The following SGCZ variants were observed in gnomAD, a reference collection of about 807,000 sequenced individuals.
SGCZ encodes sarcoglycan zeta.
A neutral mutation model predicts 41.3 loss-of-function variants in SGCZ; 40 were observed. That is an observed-to-expected ratio of 0.97 (90% CI 0.75 to 1.26). The LOEUF (loss-of-function observed/expected upper bound fraction) is 1.26, where lower values mean the gene tolerates loss of function less well. SGCZ is among the 50% of genes most tolerant of loss of function. The pLI is 0.00. For synonymous variants in SGCZ, 206 were observed against 137.5 expected, an observed-to-expected ratio of 1.50 and a Z score of -3.49; for missense variants, 552 against 369.8, an observed-to-expected ratio of 1.49 and a Z score of -4.04.
At chr8:14,710,708 C>T (rs1189772733) in intron 1 of SGCZ, among the ~76,000 whole-genome samples, 1 of 151,922 alleles carries the variant, frequency 6.6e-6, no homozygotes, top group Non-Finnish European at 1.5e-5. Context: ...ATTTTTAAAA[C>T]ACTTTAAAAT....
intron 1 of SGCZ, among the ~76,000 whole-genome samples, chr8:14,982,861 G>A (rs1801714446): frequency 6.6e-6 from 1 of 152,160 alleles, no homozygotes; most frequent in Non-Finnish European, 1.5e-5. Flanking sequence ...AACTGCTACT[G>A]ATCGTTCAAA....
At chr8:15,222,120 A>G (rs1801624770) in intron 1 of SGCZ, among the ~76,000 whole-genome samples, 1 of 152,232 alleles carries the variant, frequency 6.6e-6, no homozygotes, top group Non-Finnish European at 1.5e-5. Context: ...AGAGAATCCA[A>G]AAGAGGGCTT....
chr8:14,890,054 T>C (rs1308409540), intron 1 of SGCZ, among the ~76,000 whole-genome samples: 1 of 151,880 alleles, frequency 6.6e-6, no homozygotes, highest in Non-Finnish European at 1.5e-5. Flanking sequence ...CCGTCTCTAC[T>C]AAAAATACAA....
chr8:14,348,742 T>C (rs765080266), intron 2 of SGCZ, among the ~76,000 whole-genome samples: 8 of 152,164 alleles, frequency 5.3e-5, no homozygotes, highest in Non-Finnish European at 1.0e-4. Flanking sequence ...ACATAATCTA[T>C]ATTCTCAAGA....
chr8:15,165,782 G>A (rs189124870), intron 1 of SGCZ, among the ~76,000 whole-genome samples: 21 of 152,330 alleles, frequency 1.4e-4, no homozygotes, highest in Admixed American at 9.8e-4. Flanking sequence ...AAGTTGCAAA[G>A]AAGTGGTGGA....
intron 2 of SGCZ, among the ~76,000 whole-genome samples, chr8:14,531,474 T>C (rs34627472): frequency 0.22 from 33,632 of 151,722 alleles, 4,685 homozygotes; most frequent in Non-Finnish European, 0.32. Context: ...AAGAAACCAC[T>C]GGGCACCACT....
chr8:14,492,221 T>C (rs1232170651), intron 2 of SGCZ, among the ~76,000 whole-genome samples: 1 of 152,210 alleles, frequency 6.6e-6, no homozygotes, highest in East Asian at 1.9e-4. Flanking sequence ...CACAACCTTT[T>C]AAATATTCCA....
At chr8:14,687,971 T>G (rs1181819582) in intron 1 of SGCZ, among the ~76,000 whole-genome samples, 1 of 152,214 alleles carries the variant, frequency 6.6e-6, no homozygotes, top group Non-Finnish European at 1.5e-5. Context: ...TTTCATGTGT[T>G]TTTTGGCTGC....
chr8:14,325,884 G>A (rs1323276014), intron 2 of SGCZ, among the ~76,000 whole-genome samples: 2 of 146,760 alleles, frequency 1.4e-5, no homozygotes, highest in African/African-American at 2.5e-5. Context: ...ACGTAGAGGC[G>A]GGCGGATCAC....
chr8:15,156,367 G>A (rs1246156690), intron 1 of SGCZ, among the ~76,000 whole-genome samples: 7 of 152,106 alleles, frequency 4.6e-5, no homozygotes, highest in Non-Finnish European at 1.0e-4. Flanking sequence ...TAAACCTTGA[G>A]GGATTTAATG....
chr8:15,049,720 T>C (rs1050770238), intron 1 of SGCZ, among the ~76,000 whole-genome samples: 1 of 152,126 alleles, frequency 6.6e-6, no homozygotes, highest in Non-Finnish European at 1.5e-5. Context: ...TCACCTTGTA[T>C]TGTAATAATC....
chr8:15,117,434 C>T (rs1333550274), intron 1 of SGCZ, among the ~76,000 whole-genome samples: 1 of 151,954 alleles, frequency 6.6e-6, no homozygotes, highest in Non-Finnish European at 1.5e-5. Flanking sequence ...CAAATATTAT[C>T]TCCAACAAAA....
intron 1 of SGCZ, among the ~76,000 whole-genome samples, chr8:15,133,656 T>G (rs556751553): frequency 1.3e-5 from 2 of 150,210 alleles, no homozygotes; most frequent in South Asian, 4.1e-4. Flanking sequence ...TTTACTCTCT[T>G]ATGTTTACTT....
chr8:14,650,171 TC>T (rs1384985819), intron 1 of SGCZ, among the ~76,000 whole-genome samples: 4 of 151,906 alleles, frequency 2.6e-5, no homozygotes, highest in Non-Finnish European at 5.9e-5. Flanking sequence ...TTTGCTGAAA[TC>T]CCTCAAAACT....
chr8:14,241,041 T>A (rs80243339), intron 3 of SGCZ, among the ~76,000 whole-genome samples: 2,689 of 152,256 alleles, frequency 0.018, 34 homozygotes, highest in Non-Finnish European at 0.026. Flanking sequence ...ATTTAAGAAA[T>A]GTTTTCCCTA....
Position 14,945,719 on chromosome 8 carries a change from G to A in SGCZ, c.39+291866C>T, listed in dbSNP as rs1800421756. Among the ~76,000 whole-genome samples, 4 of 151,468 alleles carry A rather than the reference G, an allele frequency of 2.6e-5. No individual in the cohort carries two copies. In the South Asian group the frequency reaches 8.4e-4, roughly 32 times the overall value. ...CTGGGGCCCAGATAGGACACAAAGGGGAATTCTCTTTCTCCCTCTCCTGAA... is the reference window on the plus strand; with the variant it reads ...CTGGGGCCCAGATAGGACACAAAGGAGAATTCTCTTTCTCCCTCTCCTGAA... On this transcript the variant is annotated intron_variant, in intron 1 of 7. Transcript: ENST00000382080.
At chr8:14,548,497 G>A (rs537018635) in intron 2 of SGCZ, among the ~76,000 whole-genome samples, 1 of 152,198 alleles carries the variant, frequency 6.6e-6, no homozygotes, top group Admixed American at 6.5e-5. Flanking sequence ...AAAAATGAAT[G>A]CTTACAGGTA....
At chr8:14,108,492 C>G (rs561427709) in intron 5 of SGCZ, among the ~76,000 whole-genome samples, 1 of 152,078 alleles carries the variant, frequency 6.6e-6, no homozygotes, top group Non-Finnish European at 1.5e-5. Context: ...CTTCATACAT[C>G]GCGGTGGCAA....
At chr8:15,029,701 A>G (rs900674638) in intron 1 of SGCZ, among the ~76,000 whole-genome samples, 2 of 152,120 alleles carry the variant, frequency 1.3e-5, no homozygotes, top group Admixed American at 6.6e-5. Flanking sequence ...AAAAATGCTG[A>G]ATCCCATTTT....
Sources: allele counts gnomAD v4.1 joint callset (sites outside exome capture counted in the v4.1 genomes callset), GRCh38; gene constraint gnomAD v4.1.1; transcripts MANE v1.5; gene names NCBI Gene and HGNC (gene_info 2026-07-23, HGNC 2026-07-21).